The following COLGALT1 variants were observed in gnomAD, a reference collection of about 807,000 sequenced individuals.
COLGALT1 encodes procollagen galactosyltransferase 1.
COLGALT1 carries 43 observed loss-of-function variants against 60.8 expected under a neutral mutation model. The ratio of observed to expected loss-of-function variants is 0.71; its 90% CI spans 0.55 to 0.91. The LOEUF is 0.91. Ranked by LOEUF, COLGALT1 falls within the 40% of genes least tolerant of loss-of-function variation. The probability of loss-of-function intolerance (pLI) is 0.00; values close to 1 mark genes in which losing one functional copy is unlikely to be tolerated. For synonymous variants in COLGALT1, 369 were observed against 374.2 expected (o/e 0.99, Z 0.16); for missense variants, 845 against 880.0 (o/e 0.96, Z 0.50).
chr19:17,579,574 G>C lies in COLGALT1; in HGVS notation c.1359G>C (p.Arg453=). Reference sequence around the variant, plus strand: ...AGAGACGTCTGATGAACCTCATGCGGGATGTGGAGCGGGAGGGCCTGGACT... The same window carrying C: ...AGAGACGTCTGATGAACCTCATGCGCGATGTGGAGCGGGAGGGCCTGGACT... ...FFKRRLMNLM[R]DVEREGLDWD... is the part of the protein sequence containing the mutation. Residue 453 remains arginine, a synonymous_variant, in exon 10 of 12, where the codon CGG becomes CGC. Transcript: ENST00000252599. 2.5e-6 allele frequency: 4 copies of C among 1,613,918 alleles called. No individual in the cohort carries two copies. The highest frequency in any genetic ancestry group is 3.4e-6 in the Non-Finnish European group (4 of 1,179,956).
At chr19:17,577,495 GC>G in intron 8 of COLGALT1, 28 bp downstream of exon 8, 2 of 319,786 alleles carry the variant, frequency 6.3e-6, no homozygotes, top group African/African-American at 2.3e-5. Flanking sequence ...GGGTGGGGGG[GC>G]GGGTCCGCAC....
intron 1 of COLGALT1, among the ~76,000 whole-genome samples, chr19:17,558,771 G>A (rs1444041517): frequency 6.6e-6 from 1 of 152,126 alleles, no homozygotes; most frequent in Admixed American, 6.6e-5. Context: ...ATCACTAATG[G>A]GTCTTTCCAA....
chr19:17,578,589 C>A (rs1232789336), intron 9 of COLGALT1, among the ~76,000 whole-genome samples: 1 of 152,222 alleles, frequency 6.6e-6, no homozygotes, highest in East Asian at 1.9e-4. Context: ...GTGGCGCACA[C>A]CTGTGGTCCC....
intron 3 of COLGALT1, among the ~76,000 whole-genome samples, chr19:17,567,047 G>T (rs2076283264): frequency 1.3e-5 from 2 of 152,100 alleles, no homozygotes; most frequent in Admixed American, 6.6e-5. Context: ...CCCAGGAGGC[G>T]GAGGTTGCAG....
chr19:17,562,502 A>C (rs1000448567), intron 3 of COLGALT1, among the ~76,000 whole-genome samples: 2 of 152,118 alleles, frequency 1.3e-5, no homozygotes, highest in African/African-American at 4.8e-5. Context: ...GTTTCTACCA[A>C]AATATAAACA....
At chr19:17,569,057 C>T (rs147308067) in intron 5 of COLGALT1, among the ~76,000 whole-genome samples, 81 of 152,104 alleles carry the variant, frequency 5.3e-4, no homozygotes, top group African/African-American at 1.8e-3. Flanking sequence ...GGTGAAACCC[C>T]ATCTCTACTA....
In COLGALT1 at chr19:17,572,610, T is replaced by C; in HGVS notation, c.949+8T>C. On this transcript the variant is annotated splice_region_variant and intron_variant, in intron 6 of 11. Transcript: ENST00000252599. Reference sequence around the variant, plus strand: ...TGCAGCTGGAGGTCATGGGTGAGTCTGCCTGCACACCGCCCTGGGAGGTGC... The same window carrying C: ...TGCAGCTGGAGGTCATGGGTGAGTCCGCCTGCACACCGCCCTGGGAGGTGC... 1 of 1,613,712 alleles carries C rather than the reference T, an allele frequency of 6.2e-7. No individual in the cohort carries two copies. The highest frequency in any genetic ancestry group is 8.5e-7 in the Non-Finnish European group (1 of 1,180,018).
At chr19:17,560,962 T>C (rs924558410) in intron 3 of COLGALT1, among the ~76,000 whole-genome samples, 8 of 151,958 alleles carry the variant, frequency 5.3e-5, no homozygotes, top group African/African-American at 1.9e-4. Flanking sequence ...CCCAGCACTT[T>C]AGGAGGCCAA....
intron 2 of COLGALT1, 48 bp from the exon 3 acceptor site, chr19:17,560,300 G>A (rs778448612): frequency 6.5e-7 from 1 of 1,528,420 alleles, no homozygotes; most frequent in Non-Finnish European, 9.1e-7. Flanking sequence ...CCCTCGCTGG[G>A]CTTTGATAGT....
intron 3 of COLGALT1, among the ~76,000 whole-genome samples, chr19:17,563,854 G>A (rs1422194883): frequency 6.6e-6 from 1 of 152,010 alleles, no homozygotes; most frequent in African/African-American, 2.4e-5. Flanking sequence ...GAAATAGTTT[G>A]TCTAATGTTT....
At chr19:17,570,272 C>T (rs1214586823) in intron 5 of COLGALT1, among the ~76,000 whole-genome samples, 1 of 152,106 alleles carries the variant, frequency 6.6e-6, no homozygotes, top group East Asian at 1.9e-4. Context: ...CACAGTCTTA[C>T]TCTGTCACCC....
At chr19:17,569,178 C>T (rs1260857462) in intron 5 of COLGALT1, among the ~76,000 whole-genome samples, 1 of 152,120 alleles carries the variant, frequency 6.6e-6, no homozygotes, top group Non-Finnish European at 1.5e-5. Flanking sequence ...TGCCACTGCA[C>T]TCCAGCCTGG....
In COLGALT1 at chr19:17,559,297, C is replaced by T; in HGVS notation, c.261-14C>T. 6.5e-7 allele frequency: 1 copy of T among 1,545,542 alleles called. No individual in the cohort carries two copies. Among genetic ancestry groups the T allele is most frequent in the South Asian group, 1.2e-5 (1 of 83,922 alleles). On this transcript the variant is annotated splice_polypyrimidine_tract_variant and intron_variant, in intron 1 of 11. Coordinates refer to ENST00000252599, the MANE Select transcript of COLGALT1 (RefSeq NM_024656.4). ...AGTCTCCCCAAGTACGCTGCCTGTC[C>T]CCTCTCCCTGCAGGGTGGCTACGGA... is the stretch of plus-strand genomic sequence containing the variant.
intron 5 of COLGALT1, among the ~76,000 whole-genome samples, chr19:17,570,019 C>T (rs564326064): frequency 6.0e-5 from 9 of 150,440 alleles, no homozygotes; most frequent in Non-Finnish European, 1.0e-4. Flanking sequence ...CTCAGCTTTC[C>T]GCGTAGCTGG....
At chr19:17,564,400 A>G (rs972895024) in intron 3 of COLGALT1, among the ~76,000 whole-genome samples, 8 of 149,784 alleles carry the variant, frequency 5.3e-5, no homozygotes, top group African/African-American at 2.0e-4. Context: ...GAAACAAGAA[A>G]GAAAAACATC....
rs895305181 is a variant in COLGALT1 at position 17,580,874 on chromosome 19, T to A, written c.1570T>A (p.Phe524Ile). ...PLSKMLPVDE[F>I]LPVMFDKHPV... Reference sequence around the variant, plus strand: ...CTCCAAGATGCTGCCTGTGGACGAGTTCCTGCCCGTCATGTTCGACAAACA... The same window carrying A: ...CTCCAAGATGCTGCCTGTGGACGAGATCCTGCCCGTCATGTTCGACAAACA... The change falls in exon 11 of 12, where the codon TTC (phenylalanine) becomes ATC (isoleucine). Residue 524 changes from phenylalanine (F) to isoleucine (I), a missense_variant. Physicochemically the swap from Phe to Ile is conservative, Grantham distance 21. Coordinates refer to ENST00000252599, the MANE Select transcript of COLGALT1 (RefSeq NM_024656.4). The A allele has an allele frequency of 1.2e-6, 2 of 1,613,558 alleles. No homozygotes were observed. The highest frequency in any genetic ancestry group is 1.7e-6 in the Non-Finnish European group (2 of 1,179,884).
chr19:17,569,443 G>GTTT (rs368282718), intron 5 of COLGALT1, among the ~76,000 whole-genome samples: 1 of 143,422 alleles, frequency 7.0e-6, no homozygotes, highest in Non-Finnish European at 1.5e-5. Flanking sequence ...ATTTTCTTTT[G>GTTT]TTTTTTTTTT....
At position 17,577,608 on chromosome 19, in the gene COLGALT1, G is replaced by T. The variant is rs920628062; in HGVS notation, c.1133+141G>T. ...AGACCTCGTCAGTGGGCGTCCTGAA[G>T]GGGAAGTGAATGGGACCCTGGGGAA... On this transcript the variant is annotated intron_variant, in intron 8 of 11. Coordinates refer to ENST00000252599, the MANE Select transcript of COLGALT1 (RefSeq NM_024656.4). The T allele has an allele frequency of 4.0e-5, 32 of 807,086 alleles. No individual in the cohort carries two copies. In the African/African-American group the frequency reaches 4.5e-4, roughly 11 times the overall value. The allele number at this position is 807,086 out of a possible 1,614,324, so 50.0% of individuals were successfully genotyped here.
chr19:17,578,098 T>C lies in COLGALT1; in HGVS notation c.1266+9T>C. 1 of 1,592,996 alleles carries C rather than the reference T, an allele frequency of 6.3e-7. No individual in the cohort carries two copies. The highest frequency in any genetic ancestry group is 1.1e-5 in the South Asian group (1 of 89,890). On this transcript the variant is annotated intron_variant, in intron 9 of 11. Transcript: ENST00000252599. Reference sequence around the variant, plus strand: ...ACAACATCTGGAAGGAGGTGTGTCCTGAGTGATGGGCGGGGCCAGAGTTAT... The same window carrying C: ...ACAACATCTGGAAGGAGGTGTGTCCCGAGTGATGGGCGGGGCCAGAGTTAT...
Sources: gnomAD v4.1 joint callset for allele counts (sites outside exome capture counted in the v4.1 genomes callset) on GRCh38, gnomAD v4.1.1 for gene constraint, MANE v1.5 for transcripts, NCBI Gene and HGNC (gene_info 2026-07-23, HGNC 2026-07-21) for gene names.